Variants in GRIA1 observed in about 807,000 individuals in gnomAD.
The protein encoded by GRIA1 is glutamate ionotropic receptor AMPA type subunit 1.
Under a neutral mutation model 99.2 loss-of-function variants are expected in GRIA1, and 31 were observed. That is an observed-to-expected ratio of 0.31 (90% CI 0.23 to 0.42). GRIA1 has a LOEUF of 0.42. Among genes scored for constraint, GRIA1 ranks in the 10% least tolerant of loss-of-function variants. The pLI is 1.00. For missense variants in GRIA1, 782 were observed against 1,157.5 expected, an observed-to-expected ratio of 0.68 and a Z score of 4.71; for synonymous variants, 438 against 432.4, an observed-to-expected ratio of 1.01 and a Z score of -0.16.
At chr5:153,804,724 AATTAATTAATTTATTT>A (rs879361245) in intron 15 of GRIA1, among the ~76,000 whole-genome samples, 9,816 of 78,066 alleles carry the variant, frequency 0.13, 334 homozygotes, top group Middle Eastern at 0.24. Context: ...TTAATTAATT[AATTAATTAATTTATTT>A]ATTTATTTAT....
At chr5:153,709,063 C>A (rs1759122525) in intron 11 of GRIA1, among the ~76,000 whole-genome samples, 1 of 152,148 alleles carries the variant, frequency 6.6e-6, no homozygotes, top group Admixed American at 6.5e-5. Context: ...TACCTTGAAC[C>A]AGACAAAAAC....
chr5:153,593,754 C>G (rs962270512), intron 2 of GRIA1, among the ~76,000 whole-genome samples: 2 of 152,126 alleles, frequency 1.3e-5, no homozygotes, highest in Non-Finnish European at 2.9e-5. Context: ...GAAGCCTGAC[C>G]TGGTTGCTGC....
chr5:153,497,634 C>T (rs888016090), intron 2 of GRIA1, among the ~76,000 whole-genome samples: 2 of 152,088 alleles, frequency 1.3e-5, no homozygotes, highest in African/African-American at 4.8e-5. Flanking sequence ...CTTTTTACTT[C>T]TTGAATCAAG....
rs187256916 is a variant in GRIA1, at chr5:153,644,987, C to T, written c.221-1941C>T. Among the ~76,000 whole-genome samples the T allele has an allele frequency of 2.6e-5, 4 of 152,030 alleles. No homozygotes were observed. The East Asian group carries it at 7.8e-4, about 30-fold the overall frequency. ...GTGATGGTCAGATGTTGAGACTTTT[C>T]CTGTGTGCAATGGGAAAACTTTGAG... On this transcript the variant is annotated intron_variant, in intron 2 of 15. Coordinates refer to ENST00000285900, the MANE Select transcript of GRIA1 (RefSeq NM_000827.4).
In GRIA1 at chr5:153,811,067, C is replaced by G. The variant is rs759869812; in HGVS notation, c.2563C>G (p.Arg855Gly). The G allele has an allele frequency of 1.2e-5, 20 of 1,613,974 alleles. No individual in the cohort carries two copies. The highest frequency in any genetic ancestry group is 1.7e-5 in the Admixed American group (1 of 60,010). ...IPQQSINEAI[R>G]TSTLPRNSGA... The stretch of plus-strand genomic sequence containing the variant: ...ACAGCAATCCATCAACGAAGCCATA[C>G]GGACATCGACCCTCCCCCGCAACAG... Residue 855 changes from arginine to glycine, a missense_variant, in exon 16 of 16, where the codon CGG (arginine) becomes GGG (glycine). Physicochemically the swap from Arg to Gly is moderately radical, Grantham distance 125 (BLOSUM62 -2). Coordinates refer to ENST00000285900, the MANE Select transcript of GRIA1 (RefSeq NM_000827.4).
intron 11 of GRIA1, among the ~76,000 whole-genome samples, chr5:153,748,804 C>T (rs1762323856): frequency 6.6e-6 from 1 of 152,046 alleles, no homozygotes; most frequent in Admixed American, 6.6e-5. Context: ...AAGAATGAGT[C>T]TTCTATTTAT....
intron 5 of GRIA1, among the ~76,000 whole-genome samples, chr5:153,664,212 T>C (rs1053765560): frequency 6.6e-6 from 1 of 152,186 alleles, no homozygotes; most frequent in African/African-American, 2.4e-5. Flanking sequence ...ATACTTACTA[T>C]GTGCCAAGCA....
At chr5:153,724,205 C>T (rs1296023532) in intron 11 of GRIA1, among the ~76,000 whole-genome samples, 2 of 152,138 alleles carry the variant, frequency 1.3e-5, no homozygotes, top group South Asian at 2.1e-4. Context: ...AGAAGGAAAA[C>T]TAACAAACAG....
At chr5:153,534,413 C>G (rs1034976116) in intron 2 of GRIA1, among the ~76,000 whole-genome samples, 9 of 152,032 alleles carry the variant, frequency 5.9e-5, no homozygotes, top group African/African-American at 2.2e-4. Context: ...GAAACTCAAC[C>G]TGAAAAAAAT....
At chr5:153,808,696 A>G (rs918354025) in intron 15 of GRIA1, among the ~76,000 whole-genome samples, 1 of 152,204 alleles carries the variant, frequency 6.6e-6, no homozygotes. Context: ...AGAACTAGTG[A>G]TGTAGTTGAC....
At chr5:153,610,233 C>A (rs1243846396) in intron 2 of GRIA1, among the ~76,000 whole-genome samples, 1 of 152,134 alleles carries the variant, frequency 6.6e-6, no homozygotes, top group African/African-American at 2.4e-5. Flanking sequence ...AGTGTGAAGT[C>A]CACTTTCCAA....
chr5:153,802,286 G>A (rs774802538), intron 14 of GRIA1, 70 bp from the exon 15 acceptor site: 8 of 1,376,792 alleles, frequency 5.8e-6, no homozygotes, highest in East Asian at 4.6e-5. Context: ...GCTGCTGCTT[G>A]GATGGTCTTT....
chr5:153,686,366 G>C (rs2149497225), intron 8 of GRIA1, 37 bp downstream of exon 8: 2 of 1,503,630 alleles, frequency 1.3e-6, no homozygotes, highest in Middle Eastern at 1.7e-4. Flanking sequence ...GCAGAGAGAA[G>C]AGGCTGAGCA....
chr5:153,809,007 T>A (rs1266505540), intron 15 of GRIA1, among the ~76,000 whole-genome samples: 3 of 152,218 alleles, frequency 2.0e-5, no homozygotes, highest in South Asian at 4.1e-4. Flanking sequence ...TTCAATGGAA[T>A]ATTATGAAAA....
chr5:153,676,927 A>G (rs1756629053), intron 6 of GRIA1, 67 bp from the exon 7 acceptor site: 1 of 1,272,876 alleles, frequency 7.9e-7, no homozygotes, highest in Admixed American at 2.9e-5. Context: ...ATTCCCAAAT[A>G]CAGCACCCAA....
At chr5:153,515,673 A>T (rs1756550326) in intron 2 of GRIA1, among the ~76,000 whole-genome samples, 1 of 152,228 alleles carries the variant, frequency 6.6e-6, no homozygotes, top group African/African-American at 2.4e-5. Context: ...AATTAGCCTG[A>T]TTTGTTCATG....
Position 153,710,186 on chromosome 5 carries a change from A to T in GRIA1, c.1823+4119A>T, listed in dbSNP as rs146757885. ...TAATTAGGTTGATGGTGAGATTAAA[A>T]AGGGACCCATGAATTTACTTTTAAG... On this transcript the variant is annotated intron_variant, in intron 11 of 15. Transcript: ENST00000285900. 5.7e-3 allele frequency among the ~76,000 whole-genome samples: 864 copies of T among 152,066 alleles called. 12 individuals carry two copies. Among genetic ancestry groups the T allele is most frequent in the African/African-American group, 0.02 (837 of 41,472 alleles).
rs189934461 is a variant in GRIA1, at chr5:153,675,653, C to T, written c.861+992C>T. Among the ~76,000 whole-genome samples, 30 of 152,242 alleles carry T rather than the reference C, an allele frequency of 2.0e-4. No homozygotes were observed. In the East Asian group the frequency reaches 4.8e-3, roughly 25 times the overall value. On this transcript the variant is annotated intron_variant, in intron 6 of 15. Coordinates refer to ENST00000285900, the MANE Select transcript of GRIA1 (RefSeq NM_000827.4). ...TTTTTATAAATGGCAAACCGTATAA[C>T]AGAGATACTTCTTATCCCACTATTC...
rs540269297 is a variant in GRIA1, at chr5:153,605,716, T to G, written c.221-41212T>G. Among the ~76,000 whole-genome samples, 4 of 152,360 alleles carry G rather than the reference T, an allele frequency of 2.6e-5. No homozygotes were observed. The East Asian group carries it at 7.7e-4, about 29-fold the overall frequency. ...GTGATAACTCATTGTGATTTTAATTTGTATTTCTCTTGATTATTTGTGAGT... is the reference window on the plus strand; with the variant it reads ...GTGATAACTCATTGTGATTTTAATTGGTATTTCTCTTGATTATTTGTGAGT... On this transcript the variant is annotated intron_variant, in intron 2 of 15. Transcript: ENST00000285900.
Sources: allele counts gnomAD v4.1 joint callset (sites outside exome capture counted in the v4.1 genomes callset), GRCh38; gene constraint gnomAD v4.1.1; transcripts MANE v1.5; gene names NCBI Gene and HGNC (gene_info 2026-07-23, HGNC 2026-07-21).